KCTD8: variants seen among roughly 807,000 people sequenced by gnomAD.
KCTD8 encodes BTB/POZ domain-containing protein KCTD8.
KCTD8 carries 27 observed loss-of-function variants against 31.5 expected under a neutral mutation model. The observed-to-expected ratio is 0.86, with a 90% CI of 0.63 to 1.18. The LOEUF is 1.18. KCTD8 is among the 50% of genes most tolerant of loss of function. The pLI, the probability that KCTD8 is intolerant of heterozygous loss-of-function variation, is 0.00. For synonymous variants in KCTD8, 290 were observed against 280.0 expected (o/e 1.04, Z -0.36); for missense variants, 658 against 647.7 (o/e 1.02, Z -0.17).
chr4:44,203,417 G>C (rs1714207371), intron 1 of KCTD8, among the ~76,000 whole-genome samples: 1 of 149,420 alleles, frequency 6.7e-6, no homozygotes, highest in African/African-American at 2.5e-5. Context: ...TTGAACCCAG[G>C]AAGCGGAGGT....
chr4:44,311,982 C>A (rs1288851042), intron 1 of KCTD8, among the ~76,000 whole-genome samples: 4 of 151,544 alleles, frequency 2.6e-5, no homozygotes, highest in East Asian at 1.9e-4. Context: ...AATAAAGAAT[C>A]ATAATTATTT....
chr4:44,255,863 G>A (rs1715976471), intron 1 of KCTD8, among the ~76,000 whole-genome samples: 2 of 151,950 alleles, frequency 1.3e-5, no homozygotes, highest in South Asian at 4.1e-4. Context: ...ACACAGGAAA[G>A]TGTTCATTAT....
chr4:44,411,233 C>T (rs1210983939), intron 1 of KCTD8, among the ~76,000 whole-genome samples: 1 of 151,754 alleles, frequency 6.6e-6, no homozygotes, highest in African/African-American at 2.4e-5. Context: ...AAGTAGTTAA[C>T]CAGGTATGGT....
chr4:44,188,846 T>G (rs1472698766), intron 1 of KCTD8, among the ~76,000 whole-genome samples: 2 of 152,112 alleles, frequency 1.3e-5, no homozygotes, highest in African/African-American at 2.4e-5. Flanking sequence ...CTTCTCGAGA[T>G]AGTGTAGCCC....
intron 1 of KCTD8, among the ~76,000 whole-genome samples, chr4:44,255,636 A>T (rs1320011272): frequency 6.6e-6 from 1 of 151,830 alleles, no homozygotes; most frequent in Non-Finnish European, 1.5e-5. Context: ...GAAGAAAATG[A>T]GTCTTTTGAT....
At chr4:44,400,961 C>A (rs1209954853) in intron 1 of KCTD8, among the ~76,000 whole-genome samples, 1 of 150,830 alleles carries the variant, frequency 6.6e-6, no homozygotes, top group Non-Finnish European at 1.5e-5. Context: ...CTCAGCCTTC[C>A]AAGTAGCTAG....
At chr4:44,309,652 A>T (rs1717896373) in intron 1 of KCTD8, among the ~76,000 whole-genome samples, 1 of 152,104 alleles carries the variant, frequency 6.6e-6, no homozygotes. Flanking sequence ...TAAAATACTA[A>T]ATTTTAGTCC....
Position 44,242,626 on chromosome 4 carries a change from A to T in KCTD8, c.962-67376T>A, listed in dbSNP as rs114553990. 8.1e-3 allele frequency among the ~76,000 whole-genome samples: 1,237 copies of T among 152,140 alleles called. 15 individuals are homozygous for T. The highest frequency in any genetic ancestry group is 0.028 in the African/African-American group (1,166 of 41,494). Reference sequence around the variant, plus strand: ...AACAAAACAAAAAAAAAACTTGTTGATATAGTTTGACTATATGTCCTCTCC... The same window carrying T: ...AACAAAACAAAAAAAAAACTTGTTGTTATAGTTTGACTATATGTCCTCTCC... On this transcript the variant is annotated intron_variant, in intron 1 of 1. Coordinates refer to ENST00000360029, the MANE Select transcript of KCTD8 (RefSeq NM_198353.3).
chr4:44,217,791 T>C (rs1488876973), intron 1 of KCTD8, among the ~76,000 whole-genome samples: 2 of 148,040 alleles, frequency 1.4e-5, no homozygotes, highest in East Asian at 4.1e-4. Flanking sequence ...TCTTTGGCTT[T>C]TAGACTCCTG....
intron 1 of KCTD8, among the ~76,000 whole-genome samples, chr4:44,411,374 T>C (rs1720949678): frequency 9.6e-6 from 1 of 103,906 alleles, no homozygotes; most frequent in African/African-American, 4.1e-5. Flanking sequence ...TGAGAGCCTG[T>C]CTCAAAAAAA....
At chr4:44,303,670 G>A (rs926686328) in intron 1 of KCTD8, among the ~76,000 whole-genome samples, 7 of 151,922 alleles carry the variant, frequency 4.6e-5, no homozygotes, top group Non-Finnish European at 5.9e-5. Context: ...ACAAAAATTA[G>A]CTGGGTGTGG....
chr4:44,343,773 A>G (rs1718965966), intron 1 of KCTD8, among the ~76,000 whole-genome samples: 1 of 152,218 alleles, frequency 6.6e-6, no homozygotes, highest in Admixed American at 6.5e-5. Context: ...AACTGTAACA[A>G]AAAATGTTAT....
At chr4:44,293,872 T>C (rs1207263441) in intron 1 of KCTD8, 1 of 444,480 alleles carries the variant, frequency 2.2e-6, no homozygotes, top group African/African-American at 2.0e-5. Flanking sequence ...TTATCAGAAA[T>C]ATAAATAGAA....
At chr4:44,372,292 G>A (rs1719807442) in intron 1 of KCTD8, among the ~76,000 whole-genome samples, 1 of 152,160 alleles carries the variant, frequency 6.6e-6, no homozygotes. Context: ...TCAGACTAAT[G>A]TAATACAGTC....
chr4:44,313,185 C>T (rs1318224425), intron 1 of KCTD8, among the ~76,000 whole-genome samples: 1 of 152,196 alleles, frequency 6.6e-6, no homozygotes, highest in Non-Finnish European at 1.5e-5. Context: ...TGCCCATTAG[C>T]TCCTATCAGA....
intron 1 of KCTD8, among the ~76,000 whole-genome samples, chr4:44,410,028 T>G (rs1402941244): frequency 6.6e-6 from 1 of 152,178 alleles, no homozygotes; most frequent in Non-Finnish European, 1.5e-5. Flanking sequence ...GTATCATTAA[T>G]GAGGAACCTT....
intron 1 of KCTD8, among the ~76,000 whole-genome samples, chr4:44,342,964 T>G (rs1718943494): frequency 1.3e-5 from 2 of 152,234 alleles, no homozygotes; most frequent in African/African-American, 4.8e-5. Context: ...AGAGAATGTT[T>G]GGTTGATCTT....
chr4:44,194,381 A>G (rs1461866930), intron 1 of KCTD8, among the ~76,000 whole-genome samples: 1 of 152,172 alleles, frequency 6.6e-6, no homozygotes, highest in Non-Finnish European at 1.5e-5. Context: ...TACTAATGAA[A>G]CCATTATAAG....
intron 1 of KCTD8, among the ~76,000 whole-genome samples, chr4:44,266,833 A>T (rs1168080380): frequency 1.3e-5 from 2 of 152,058 alleles, no homozygotes; most frequent in Non-Finnish European, 2.9e-5. Flanking sequence ...CAATTCAACA[A>T]GAAGAGCTAA....
Sources: allele counts gnomAD v4.1 joint callset (sites outside exome capture counted in the v4.1 genomes callset), GRCh38; gene constraint gnomAD v4.1.1; transcripts MANE v1.5; gene names NCBI Gene and HGNC (gene_info 2026-07-23, HGNC 2026-07-21).